CNTNAP5: variants seen among roughly 807,000 people sequenced by gnomAD.
CNTNAP5 encodes contactin-associated protein-like 5.
Under a neutral mutation model 150.2 loss-of-function variants are expected in CNTNAP5, and 72 were observed. The observed-to-expected ratio is 0.48, with a 90% CI of 0.40 to 0.58. The LOEUF (loss-of-function observed/expected upper bound fraction) is 0.58. Among genes scored for constraint, CNTNAP5 ranks in the 20% least tolerant of loss-of-function variants. CNTNAP5 has a pLI of 0.00. For missense variants in CNTNAP5, 1,636 were observed against 1,626.2 expected (o/e 1.01, Z -0.10); for synonymous variants, 672 against 619.8 (o/e 1.08, Z -1.25).
chr2:124,492,085 T>A (rs1694045433), intron 7 of CNTNAP5, among the ~76,000 whole-genome samples: 1 of 152,128 alleles, frequency 6.6e-6, no homozygotes, highest in South Asian at 2.1e-4. Flanking sequence ...TTTCATTCTG[T>A]TGCTTCCTTT....
intron 1 of CNTNAP5, among the ~76,000 whole-genome samples, chr2:124,130,920 T>C (rs1683828958): frequency 6.6e-6 from 1 of 152,146 alleles, no homozygotes; most frequent in South Asian, 2.1e-4. Flanking sequence ...CTCTCTTTTA[T>C]AATTAAGAAA....
intron 6 of CNTNAP5, among the ~76,000 whole-genome samples, chr2:124,457,750 T>C (rs1361448129): frequency 1.3e-5 from 2 of 151,962 alleles, no homozygotes; most frequent in African/African-American, 4.8e-5. Flanking sequence ...ATGTGCACAA[T>C]GTGCAGGTTT....
chr2:124,069,238 C>T (rs1311098132), intron 1 of CNTNAP5, among the ~76,000 whole-genome samples: 5 of 152,010 alleles, frequency 3.3e-5, no homozygotes, highest in East Asian at 3.9e-4. Context: ...ATGGTGGCCA[C>T]GATGAGACTC....
intron 2 of CNTNAP5, among the ~76,000 whole-genome samples, chr2:124,237,047 T>G (rs1207166859): frequency 6.6e-6 from 1 of 152,094 alleles, no homozygotes; most frequent in East Asian, 1.9e-4. Flanking sequence ...GAGAATCCCT[T>G]GAACCCAGGA....
At position 124,394,969 on chromosome 2, in the gene CNTNAP5, C is replaced by A. The variant is rs557931611; in HGVS notation, c.382-22474C>A. 4.6e-5 allele frequency among the ~76,000 whole-genome samples: 7 copies of A among 152,258 alleles called. No homozygotes were observed. The South Asian group carries it at 1.0e-3, about 23-fold the overall frequency. Reference sequence around the variant, plus strand: ...ACTCAGTAAAATACATAATAAAATTCTCTTGATCTTATCCTATGACAAATG... The same window carrying A: ...ACTCAGTAAAATACATAATAAAATTATCTTGATCTTATCCTATGACAAATG... On this transcript the variant is annotated intron_variant, in intron 3 of 23. Transcript: ENST00000682447.
chr2:124,624,664 C>T (rs145596040), intron 12 of CNTNAP5, among the ~76,000 whole-genome samples: 1 of 152,224 alleles, frequency 6.6e-6, no homozygotes, highest in East Asian at 1.9e-4. Flanking sequence ...AAGGAATTCA[C>T]AGTTTGGAGA....
In CNTNAP5 at chr2:124,383,645, A is replaced by G. The variant is rs188368555; in HGVS notation, c.382-33798A>G. On this transcript the variant is annotated intron_variant, in intron 3 of 23. Coordinates refer to ENST00000682447, the MANE Select transcript of CNTNAP5 (RefSeq NM_001367498.1). ...TGTTATTTAAAATCTCTGAACCTCT[A>G]TTTCTTTACTAGCAAAAATTGCAAG... 1.9e-3 allele frequency among the ~76,000 whole-genome samples: 289 copies of G among 152,280 alleles called. 3 individuals are homozygous for G. Among genetic ancestry groups the G allele is most frequent in the African/African-American group, 6.6e-3 (273 of 41,566 alleles).
chr2:124,597,484 G>C (rs897095677), intron 11 of CNTNAP5, among the ~76,000 whole-genome samples: 2 of 150,116 alleles, frequency 1.3e-5, no homozygotes, highest in Non-Finnish European at 3.0e-5. Context: ...ACTCTCTTCT[G>C]GCTTGTAGGG....
chr2:124,855,167 C>CTTTTTTTTTTTT (rs70999224), intron 19 of CNTNAP5, among the ~76,000 whole-genome samples: 1 of 71,434 alleles, frequency 1.4e-5, no homozygotes, highest in African/African-American at 4.3e-5. Flanking sequence ...TGGGCTTTTG[C>CTTTTTTTTTTTT]TTTTTTTTTT....
intron 4 of CNTNAP5, among the ~76,000 whole-genome samples, chr2:124,421,231 T>C (rs1294947863): frequency 6.6e-6 from 1 of 152,214 alleles, no homozygotes; most frequent in East Asian, 1.9e-4. Flanking sequence ...AGAGATGATG[T>C]ATGCAGCAGC....
chr2:124,832,181 T>C (rs1573646958), intron 19 of CNTNAP5, among the ~76,000 whole-genome samples: 1 of 152,122 alleles, frequency 6.6e-6, no homozygotes, highest in East Asian at 1.9e-4. Flanking sequence ...TGCTGATGAT[T>C]CTGAAGACAA....
intron 8 of CNTNAP5, among the ~76,000 whole-genome samples, chr2:124,512,716 A>AAAAC (rs1263766491): frequency 1.3e-5 from 2 of 152,182 alleles, no homozygotes; most frequent in East Asian, 1.9e-4. Flanking sequence ...AAGGTATTCC[A>AAAAC]AAACAAACAA....
At chr2:124,323,069 C>A (rs1242328267) in intron 3 of CNTNAP5, among the ~76,000 whole-genome samples, 5 of 152,066 alleles carry the variant, frequency 3.3e-5, no homozygotes, top group African/African-American at 1.2e-4. Context: ...AAGGCACCAG[C>A]AGGTTTGATA....
chr2:124,578,322 C>A (rs190116232), intron 11 of CNTNAP5, among the ~76,000 whole-genome samples: 679 of 138,108 alleles, frequency 4.9e-3, no homozygotes, highest in Non-Finnish European at 7.3e-3. Context: ...AAGAGCGAGA[C>A]TTTGTCTCAA....
chr2:124,918,875 A>C lies in CNTNAP5; in HGVS notation c.*4587A>C, dbSNP rs1032537969. 6.6e-6 allele frequency among the ~76,000 whole-genome samples: 1 copy of C among 152,146 alleles called. No individual in the cohort carries two copies. The highest frequency in any genetic ancestry group is 1.9e-4 in the East Asian group (1 of 5,180). On this transcript the variant is annotated 3_prime_UTR_variant, in exon 24 of 24. Transcript: ENST00000682447. ...TGCAGACAAACTCAAAACTTTCAGA[A>C]GTCTAGGAGGATAACTGAGTGCTAT...
chr2:124,347,734 G>C (rs904284272), intron 3 of CNTNAP5, among the ~76,000 whole-genome samples: 2 of 152,078 alleles, frequency 1.3e-5, no homozygotes, highest in African/African-American at 4.8e-5. Context: ...CGTCAACTTA[G>C]ATGATTAAAA....
At chr2:124,626,344 G>C (rs1346314394) in intron 12 of CNTNAP5, among the ~76,000 whole-genome samples, 1 of 152,116 alleles carries the variant, frequency 6.6e-6, no homozygotes, top group East Asian at 1.9e-4. Flanking sequence ...TGCAGAACGT[G>C]GGTGATTACT....
chr2:124,281,278 G>C (rs1688007008), intron 3 of CNTNAP5, among the ~76,000 whole-genome samples: 2 of 151,976 alleles, frequency 1.3e-5, no homozygotes, highest in Non-Finnish European at 2.9e-5. Context: ...AGAGAAAATT[G>C]GTATGAAGAT....
chr2:124,600,414 C>G (rs1326389783), intron 11 of CNTNAP5, among the ~76,000 whole-genome samples: 3 of 152,056 alleles, frequency 2.0e-5, no homozygotes, highest in Non-Finnish European at 4.4e-5. Flanking sequence ...ATGAGCCCAT[C>G]TGGCTGCCAC....
Sources: gnomAD v4.1 joint callset for allele counts (sites outside exome capture counted in the v4.1 genomes callset) on GRCh38, gnomAD v4.1.1 for gene constraint, MANE v1.5 for transcripts, NCBI Gene and HGNC (gene_info 2026-07-23, HGNC 2026-07-21) for gene names.